CNTN5: variants seen among roughly 807,000 people sequenced by gnomAD.
The protein encoded by CNTN5 is contactin 5.
Under a neutral mutation model 129.1 loss-of-function variants are expected in CNTN5, and 77 were observed. The observed-to-expected ratio is 0.60, with a 90% CI of 0.50 to 0.72. CNTN5 has a LOEUF of 0.72. Ranked by LOEUF, CNTN5 falls within the 30% of genes least tolerant of loss-of-function variation. CNTN5 has a pLI of 0.00. For missense variants in CNTN5, 1,478 were observed against 1,328.8 expected (o/e 1.11, Z -1.75); for synonymous variants, 509 against 465.6 (o/e 1.09, Z -1.20).
At chr11:99,358,592 T>A (rs554810887) in intron 2 of CNTN5, among the ~76,000 whole-genome samples, 6 of 152,068 alleles carry the variant, frequency 3.9e-5, no homozygotes, top group African/African-American at 1.4e-4. Context: ...TAAATTGTCA[T>A]TCTTAATTTA....
At chr11:100,338,581 C>G (rs1220671470) in intron 21 of CNTN5, among the ~76,000 whole-genome samples, 1 of 152,202 alleles carries the variant, frequency 6.6e-6, no homozygotes, top group Non-Finnish European at 1.5e-5. Context: ...CAGGATTTTT[C>G]TCGGCCCCTT....
intron 2 of CNTN5, among the ~76,000 whole-genome samples, chr11:99,530,289 A>G (rs1947647794): frequency 6.6e-6 from 1 of 152,230 alleles, no homozygotes. Flanking sequence ...ATCAGTCTGT[A>G]TTAAAAAACT....
chr11:99,602,786 G>A lies in CNTN5; in HGVS notation c.55+46517G>A, dbSNP rs544985306. On this transcript the variant is annotated intron_variant, in intron 3 of 24. Coordinates refer to ENST00000524871, the MANE Select transcript of CNTN5 (RefSeq NM_014361.4). ...AGACTGCCTCCTCAAGTGGGTCCCT[G>A]ACCCCTGACCCCCGAGCAGCCTAAC... Among the ~76,000 whole-genome samples the A allele has an allele frequency of 3.0e-3, 455 of 149,450 alleles. 1 individual carries two copies. The highest frequency in any genetic ancestry group is 3.1e-3 in the Non-Finnish European group (209 of 67,434).
chr11:100,086,024 A>G (rs918010137), intron 13 of CNTN5, among the ~76,000 whole-genome samples: 6 of 151,936 alleles, frequency 3.9e-5, no homozygotes, highest in Non-Finnish European at 8.8e-5. Flanking sequence ...GTAAATACTA[A>G]TATTTGTCCA....
chr11:99,292,528 G>C (rs1471958482), intron 1 of CNTN5, among the ~76,000 whole-genome samples: 1 of 152,072 alleles, frequency 6.6e-6, no homozygotes, highest in African/African-American at 2.4e-5. Context: ...TGGTGAAAGT[G>C]GGCATCCTTG....
At chr11:100,075,980 A>G (rs1944110035) in intron 13 of CNTN5, among the ~76,000 whole-genome samples, 1 of 152,090 alleles carries the variant, frequency 6.6e-6, no homozygotes, top group Admixed American at 6.6e-5. Context: ...TTGTTTTAAA[A>G]AGAATTTCTC....
chr11:100,069,616 C>A (rs1235644939), intron 10 of CNTN5, among the ~76,000 whole-genome samples: 1 of 152,054 alleles, frequency 6.6e-6, no homozygotes, highest in Non-Finnish European at 1.5e-5. Flanking sequence ...ATATATGAAA[C>A]AACATATAAA....
intron 13 of CNTN5, among the ~76,000 whole-genome samples, chr11:100,075,438 T>G (rs1944090330): frequency 6.6e-6 from 1 of 152,230 alleles, no homozygotes; most frequent in African/African-American, 2.4e-5. Flanking sequence ...GAGAAAAACA[T>G]AACACATTTA....
intron 15 of CNTN5, among the ~76,000 whole-genome samples, chr11:100,196,938 C>A (rs1030277315): frequency 7.2e-5 from 11 of 151,946 alleles, no homozygotes; most frequent in African/African-American, 2.2e-4. Context: ...AAAGGCATAG[C>A]CCTTCACACC....
intron 2 of CNTN5, among the ~76,000 whole-genome samples, chr11:99,408,448 G>GAAAGAAAGAGAAAGAA (rs71305322): frequency 5.5e-4 from 43 of 78,126 alleles, no homozygotes; most frequent in Admixed American, 2.0e-3. Flanking sequence ...AAGAAAGAAA[G>GAAAGAAAGAGAAAGAA]AGAAAGAAAG....
intron 3 of CNTN5, among the ~76,000 whole-genome samples, chr11:99,768,796 C>G (rs1944845424): frequency 6.6e-6 from 1 of 152,022 alleles, no homozygotes; most frequent in Non-Finnish European, 1.5e-5. Flanking sequence ...CTTATTTATT[C>G]TAGTGATATA....
intron 6 of CNTN5, among the ~76,000 whole-genome samples, chr11:99,858,737 G>GA (rs67393369): frequency 0.37 from 53,285 of 145,948 alleles, 10,504 homozygotes; most frequent in East Asian, 0.76. Flanking sequence ...TTTTAGAAAT[G>GA]AAAAAAAAAG....
At chr11:99,083,979 A>T (rs1261926901) in intron 1 of CNTN5, among the ~76,000 whole-genome samples, 2 of 152,172 alleles carry the variant, frequency 1.3e-5, no homozygotes, top group African/African-American at 4.8e-5. Flanking sequence ...AACTGACATT[A>T]TTCCTTGTTC....
intron 2 of CNTN5, among the ~76,000 whole-genome samples, chr11:99,434,349 A>G (rs557981085): frequency 1.3e-5 from 2 of 152,336 alleles, no homozygotes; most frequent in South Asian, 2.1e-4. Flanking sequence ...GCAATATTCC[A>G]TGCTTGAGTT....
chr11:99,334,948 A>G lies in CNTN5; in HGVS notation c.-71+9464A>G, dbSNP rs536086747. On this transcript the variant is annotated intron_variant, in intron 2 of 24. Coordinates refer to ENST00000524871, the MANE Select transcript of CNTN5 (RefSeq NM_014361.4). The stretch of plus-strand genomic sequence containing the variant: ...GAGTTATTTGACTTTCTGGCCCTCA[A>G]CCTAACTATCAGCAAAGCCAAATAG... Among the ~76,000 whole-genome samples the G allele has an allele frequency of 2.8e-4, 43 of 152,160 alleles. 1 individual carries two copies. The South Asian group carries it at 8.5e-3, about 30-fold the overall frequency.
At position 99,613,242 on chromosome 11, in the gene CNTN5, G is replaced by T. The variant is rs189775021; in HGVS notation, c.55+56973G>T. Among the ~76,000 whole-genome samples the T allele has an allele frequency of 4.6e-5, 7 of 152,294 alleles. No homozygotes were observed. In the East Asian group the frequency reaches 1.3e-3, roughly 29 times the overall value. On this transcript the variant is annotated intron_variant, in intron 3 of 24. Coordinates refer to ENST00000524871, the MANE Select transcript of CNTN5 (RefSeq NM_014361.4). ...AGGTGGAGGTAGTTAAATCATGGGGGCGGTTTTCCCCGTGCTGTTCTCTGC... is the reference window on the plus strand; with the variant it reads ...AGGTGGAGGTAGTTAAATCATGGGGTCGGTTTTCCCCGTGCTGTTCTCTGC...
intron 18 of CNTN5, among the ~76,000 whole-genome samples, chr11:100,288,458 C>G (rs1204491895): frequency 6.6e-6 from 1 of 152,146 alleles, no homozygotes; most frequent in East Asian, 1.9e-4. Flanking sequence ...AAGAACCTCA[C>G]CCAAACCGCT....
chr11:100,255,994 T>C lies in CNTN5; in HGVS notation c.2164+76T>C, dbSNP rs532545604. On this transcript the variant is annotated intron_variant, in intron 17 of 24. Transcript: ENST00000524871. ...CATAAGCTATATTTGGCTAAGGTCT[T>C]ACTATGATTTTTTTGGATTCTGAAA... The C allele has an allele frequency of 1.9e-4, 245 of 1,297,820 alleles. No individual in the cohort carries two copies. In the East Asian group the frequency reaches 5.6e-3, roughly 30 times the overall value. 80.4% of individuals were successfully genotyped at this position (1,297,820 alleles called of 1,614,324 possible).
At chr11:99,530,640 C>T (rs969759384) in intron 2 of CNTN5, among the ~76,000 whole-genome samples, 5 of 152,152 alleles carry the variant, frequency 3.3e-5, no homozygotes, top group African/African-American at 9.7e-5. Flanking sequence ...ATTGTATCTC[C>T]CAGGATTCTC....
Sources: allele counts gnomAD v4.1 joint callset (sites outside exome capture counted in the v4.1 genomes callset), GRCh38; gene constraint gnomAD v4.1.1; transcripts MANE v1.5; gene names NCBI Gene and HGNC (gene_info 2026-07-23, HGNC 2026-07-21).